ARID1B: variants seen among roughly 807,000 people sequenced by gnomAD.
The protein encoded by ARID1B is AT-rich interactive domain-containing protein 1B.
In ARID1B, 30 loss-of-function variants were observed where a neutral mutation model predicts 212.3. The observed-to-expected ratio is 0.14, with a 90% CI of 0.11 to 0.19. ARID1B has a LOEUF of 0.19. Ranked by LOEUF, ARID1B falls within the 10% of genes least tolerant of loss-of-function variation. The pLI is 1.00. For synonymous variants in ARID1B, 1,402 were observed against 1,301.7 expected, an observed-to-expected ratio of 1.08 and a Z score of -1.66; for missense variants, 2,891 against 3,204.0, an observed-to-expected ratio of 0.90 and a Z score of 2.36.
At chr6:157,135,642 C>T (rs1018812903) in intron 7 of ARID1B, among the ~76,000 whole-genome samples, 2 of 152,214 alleles carry the variant, frequency 1.3e-5, no homozygotes, top group Admixed American at 6.5e-5. Flanking sequence ...TCAAAATCAT[C>T]ACCTTTTCCG....
intron 2 of ARID1B, among the ~76,000 whole-genome samples, chr6:156,838,105 C>T (rs1783638953): frequency 2.0e-5 from 3 of 152,096 alleles, no homozygotes; most frequent in Admixed American, 1.3e-4. Context: ...TTGATATTGA[C>T]TTGGTAAGAG....
chr6:156,897,717 A>T (rs1788599000), intron 2 of ARID1B, among the ~76,000 whole-genome samples: 1 of 152,074 alleles, frequency 6.6e-6, no homozygotes, highest in Non-Finnish European at 1.5e-5. Flanking sequence ...CATGCACTGG[A>T]CAGTCAGGAC....
intron 2 of ARID1B, chr6:156,870,041 A>T: frequency 6.6e-6 from 1 of 152,314 alleles, no homozygotes; most frequent in East Asian, 1.9e-4. Flanking sequence ...CAAGCAGTTG[A>T]GAGGCTGTTC....
chr6:156,956,036 G>A (rs1793954731), intron 4 of ARID1B, among the ~76,000 whole-genome samples: 1 of 152,116 alleles, frequency 6.6e-6, no homozygotes, highest in African/African-American at 2.4e-5. Flanking sequence ...CTGGACATAA[G>A]GTCAGATAAA....
intron 4 of ARID1B, among the ~76,000 whole-genome samples, chr6:157,026,584 C>T (rs1583172551): frequency 6.6e-6 from 1 of 152,184 alleles, no homozygotes; most frequent in Non-Finnish European, 1.5e-5. Context: ...TCATTGCTTC[C>T]AGTCTCACCT....
intron 6 of ARID1B, among the ~76,000 whole-genome samples, chr6:157,130,409 G>A (rs1304218934): frequency 6.6e-6 from 1 of 152,130 alleles, no homozygotes; most frequent in African/African-American, 2.4e-5. Context: ...GAATTTTATA[G>A]TAAAGCTTAG....
chr6:157,143,241 A>G (rs914375203), intron 7 of ARID1B, among the ~76,000 whole-genome samples: 1 of 152,196 alleles, frequency 6.6e-6, no homozygotes, highest in Non-Finnish European at 1.5e-5. Flanking sequence ...CTGGCCCAGC[A>G]TCTGCCGCCT....
At chr6:156,863,556 TG>T (rs1258606357) in intron 2 of ARID1B, among the ~76,000 whole-genome samples, 5 of 152,212 alleles carry the variant, frequency 3.3e-5, no homozygotes, top group African/African-American at 1.2e-4. Flanking sequence ...GAGAGTAGTT[TG>T]TATTTCTTTT....
chr6:157,133,490 C>T (rs1788693718), intron 7 of ARID1B, among the ~76,000 whole-genome samples: 1 of 152,196 alleles, frequency 6.6e-6, no homozygotes, highest in Admixed American at 6.5e-5. Flanking sequence ...TCTTCTGTGA[C>T]GTGGTTCTAA....
At chr6:156,832,947 T>G (rs1431577171) in intron 2 of ARID1B, among the ~76,000 whole-genome samples, 1 of 152,200 alleles carries the variant, frequency 6.6e-6, no homozygotes, top group Non-Finnish European at 1.5e-5. Flanking sequence ...GTCTTTCACT[T>G]GCCAGTTCTC....
At chr6:156,916,221 G>A (rs1393178700) in intron 3 of ARID1B, among the ~76,000 whole-genome samples, 1 of 151,992 alleles carries the variant, frequency 6.6e-6, no homozygotes, top group Non-Finnish European at 1.5e-5. Flanking sequence ...CTGACACTGC[G>A]GCTCCATGAA....
chr6:156,915,021 G>C (rs1363765541), intron 3 of ARID1B, among the ~76,000 whole-genome samples: 4 of 152,126 alleles, frequency 2.6e-5, no homozygotes, highest in Non-Finnish European at 5.9e-5. Flanking sequence ...TAGAAACTTA[G>C]TAAACATGGT....
intron 4 of ARID1B, among the ~76,000 whole-genome samples, chr6:156,992,333 T>C (rs1165489248): frequency 1.3e-5 from 2 of 152,134 alleles, no homozygotes; most frequent in Non-Finnish European, 2.9e-5. Flanking sequence ...CTGAGGTTCA[T>C]GGGGAAAAAA....
intron 4 of ARID1B, among the ~76,000 whole-genome samples, chr6:157,021,087 G>A (rs1780212755): frequency 6.6e-6 from 1 of 151,054 alleles, no homozygotes. Flanking sequence ...CCTCGGCTGC[G>A]CTTTTACTCT....
At chr6:156,828,075 T>G (rs1782878927) in intron 1 of ARID1B, among the ~76,000 whole-genome samples, 1 of 150,102 alleles carries the variant, frequency 6.7e-6, no homozygotes, top group Admixed American at 6.6e-5. Context: ...TTTTTTTTTT[T>G]TTTTCAAGAG....
At chr6:157,048,812 A>G (rs1021989342) in intron 4 of ARID1B, among the ~76,000 whole-genome samples, 1 of 152,200 alleles carries the variant, frequency 6.6e-6, no homozygotes, top group African/African-American at 2.4e-5. Context: ...TCGTTTGTGC[A>G]TAGCCACAGC....
intron 8 of ARID1B, among the ~76,000 whole-genome samples, chr6:157,161,431 G>GTATATATATATATA (rs199731974): frequency 1.6e-4 from 23 of 139,402 alleles, no homozygotes; most frequent in African/African-American, 5.0e-4. Context: ...TTGTGTGTGT[G>GTATATATATATATA]TATATATATA....
chr6:157,205,534 T>A (rs974269491), intron 19 of ARID1B: 1 of 152,264 alleles, frequency 6.6e-6, no homozygotes, highest in African/African-American at 2.4e-5. Flanking sequence ...AAATTGCATT[T>A]TATGAAACAT....
chr6:156,803,977 T>C (rs1364047540), intron 1 of ARID1B, among the ~76,000 whole-genome samples: 2 of 152,160 alleles, frequency 1.3e-5, no homozygotes, highest in South Asian at 2.1e-4. Flanking sequence ...CATTAAATGT[T>C]AGTGGCAGAG....
Sources: gnomAD v4.1 joint callset for allele counts (sites outside exome capture counted in the v4.1 genomes callset) on GRCh38, gnomAD v4.1.1 for gene constraint, MANE v1.5 for transcripts, NCBI Gene and HGNC (gene_info 2026-07-23, HGNC 2026-07-21) for gene names.